Variants in CCDC9 observed in about 807,000 individuals in gnomAD.
CCDC9 encodes coiled-coil domain-containing protein 9.
CCDC9 carries 52 observed loss-of-function variants against 65.6 expected under a neutral mutation model. That is an observed-to-expected ratio of 0.79 (90% CI 0.63 to 1.00). The LOEUF is 1.00. Ranked by LOEUF, CCDC9 falls within the 50% of genes least tolerant of loss-of-function variation. The probability of loss-of-function intolerance (pLI) is 0.00; values close to 1 mark genes in which losing one functional copy is unlikely to be tolerated. For synonymous variants in CCDC9, 332 were observed against 280.3 expected, an observed-to-expected ratio of 1.18 and a Z score of -1.84; for missense variants, 834 against 757.2, an observed-to-expected ratio of 1.10 and a Z score of -1.19.
At chr19:47,274,824 C>T (rs1449446375), downstream of CCDC9, 171 of 813,410 alleles carry the variant, frequency 2.1e-4, 3 homozygotes, top group South Asian at 8.5e-3. Context: ...CGGAGGCGGG[C>T]GGTTTAGAGA....
At chr19:47,274,897 G>A, downstream of CCDC9, 2 of 1,270,964 alleles carry the variant, frequency 1.6e-6, no homozygotes, top group Non-Finnish European at 2.0e-6. Context: ...GGTCTGCGGC[G>A]CGGAGCCGAG....
downstream of CCDC9, among the ~76,000 whole-genome samples, chr19:47,274,227 A>C (rs3745606): frequency 2.0e-5 from 3 of 150,674 alleles, no homozygotes; most frequent in African/African-American, 7.4e-5. Context: ...GCGGGCTGAG[A>C]GTGTGCTGGA....
chr19:47,263,898 A>G lies in CCDC9; in HGVS notation c.463-705A>G, dbSNP rs191438856. On this transcript the variant is annotated intron_variant, in intron 5 of 11. Transcript: ENST00000221922. ...TATTTTTATTTTATTTTATTTTTTGAGACAGAGTCCTACTCTGTTGCCCAG... is the reference window on the plus strand; with the variant it reads ...TATTTTTATTTTATTTTATTTTTTGGGACAGAGTCCTACTCTGTTGCCCAG... 7.9e-4 allele frequency among the ~76,000 whole-genome samples: 108 copies of G among 135,852 alleles called. 1 individual carries two copies. The Middle Eastern group carries it at 0.02, about 25-fold the overall frequency. 89.1% of individuals were successfully genotyped at this position (135,852 alleles called of 152,430 possible).
intron 8 of CCDC9, among the ~76,000 whole-genome samples, chr19:47,269,583 C>A (rs1350745656): frequency 2.0e-5 from 3 of 152,158 alleles, no homozygotes; most frequent in African/African-American, 7.2e-5. Context: ...AGGTGATCCG[C>A]CCACCTGGAC....
chr19:47,270,243 A>G (rs1026378883), intron 8 of CCDC9, among the ~76,000 whole-genome samples, 164 bp from the exon 9 acceptor site: 5 of 152,146 alleles, frequency 3.3e-5, no homozygotes, highest in African/African-American at 1.2e-4. Context: ...TGCGGGGATT[A>G]CAGGCTTGAG....
chr19:47,274,079 C>T (rs1017138408), downstream of CCDC9: 1 of 694,202 alleles, frequency 1.4e-6, no homozygotes, highest in Non-Finnish European at 1.8e-6. Context: ...TTCTTTCTAC[C>T]CCAGAGCCTA....
rs754649721 is a variant in CCDC9 at position 47,271,065 on chromosome 19, C to T, written c.1086-17C>T. The T allele has an allele frequency of 6.6e-7, 1 of 1,523,516 alleles. No homozygotes were observed. The highest frequency in any genetic ancestry group is 1.2e-5 in the South Asian group (1 of 81,694). 94.4% of individuals were successfully genotyped at this position (1,523,516 alleles called of 1,614,324 possible). A position where few individuals can be genotyped will look rare whatever the true frequency, so the allele number is the denominator to read the frequency against. On this transcript the variant is annotated splice_polypyrimidine_tract_variant and intron_variant, in intron 10 of 11. Transcript: ENST00000221922. ...TACTCTCCACCCAGGCATCACCCCT[C>T]CCTCTGTTCCCTCTAGTGACCATGA...
At position 47,268,917 on chromosome 19, in the gene CCDC9, C is replaced by CA. The variant is rs201967697; in HGVS notation, c.903-1484dup. Among the ~76,000 whole-genome samples the CA allele has an allele frequency of 1.1e-3, 147 of 139,578 alleles. 1 individual carries two copies. Among genetic ancestry groups the CA allele is most frequent in the South Asian group, 3.6e-3 (15 of 4,182 alleles). The allele number at this position is 139,578 out of a possible 152,430, so 91.6% of individuals were successfully genotyped here. On this transcript the variant is annotated intron_variant, in intron 8 of 11. Transcript: ENST00000221922. Reference sequence around the variant, plus strand: ...TGGGCGACAGAGAGAGACTCCGTTTCAAAAAATAATAATAATAATAATAAT... The same window carrying CA: ...TGGGCGACAGAGAGAGACTCCGTTTCAAAAAAATAATAATAATAATAATAAT...
chr19:47,271,034 CCTG>C, intron 10 of CCDC9, 45 bp from the exon 11 acceptor site: 2 of 1,386,092 alleles, frequency 1.4e-6, no homozygotes, highest in Non-Finnish European at 2.0e-6. Context: ...GCCCCTTCCT[CCTG>C]TCTACTCTCC....
chr19:47,264,742 C>T, intron 6 of CCDC9, 31 bp from the exon 7 acceptor site: 1 of 1,603,974 alleles, frequency 6.2e-7, no homozygotes, highest in African/African-American at 1.3e-5. Flanking sequence ...TGCGGGGAGC[C>T]CGCGCCAACC....
chr19:47,260,370 C>G lies in CCDC9; in HGVS notation c.158C>G (p.Thr53Arg). The change falls in exon 4 of 12, where the codon ACA (threonine) becomes AGA (arginine). Residue 53 changes from threonine to arginine, a missense_variant. Thr to Arg is a moderately conservative substitution (Grantham distance 71). Coordinates refer to ENST00000221922, the MANE Select transcript of CCDC9 (RefSeq NM_015603.3). ...KKAELEGVAV[T>R]APRKGRSVEK... Reference sequence around the variant, plus strand: ...GCTGAACTTGAGGGAGTCGCAGTCACAGCTCCCCGAAAGGGCCGCTCAGTG... The same window carrying G: ...GCTGAACTTGAGGGAGTCGCAGTCAGAGCTCCCCGAAAGGGCCGCTCAGTG... 6.2e-7 allele frequency: 1 copy of G among 1,604,546 alleles called. No individual in the cohort carries two copies. The highest frequency in any genetic ancestry group is 8.5e-7 in the Non-Finnish European group (1 of 1,175,520).
At position 47,271,700 on chromosome 19, in the gene CCDC9, T is replaced by TGA. The variant is rs2059120055; in HGVS notation, c.*23_*24insAG. 1 of 1,266,600 alleles carries TGA rather than the reference T, an allele frequency of 7.9e-7. No individual in the cohort carries two copies. The highest frequency in any genetic ancestry group is 2.2e-5 in the African/African-American group (1 of 44,998). 78.5% of individuals were successfully genotyped at this position (1,266,600 alleles called of 1,614,324 possible). A position where few individuals can be genotyped will look rare whatever the true frequency, so the allele number is the denominator to read the frequency against. The stretch of plus-strand genomic sequence containing the variant: ...ATGAAGCTGGCTGCCTGTGTGTGTG[T>TGA]GTGTGTGTGTGTGTGTGTGTGTGTG... On this transcript the variant is annotated 3_prime_UTR_variant, in exon 12 of 12. Coordinates refer to ENST00000221922, the MANE Select transcript of CCDC9 (RefSeq NM_015603.3).
chr19:47,267,308 T>C (rs2059088732), intron 8 of CCDC9, among the ~76,000 whole-genome samples: 1 of 152,024 alleles, frequency 6.6e-6, no homozygotes, highest in Non-Finnish European at 1.5e-5. Context: ...AGAGTCTAGC[T>C]CTGTCGCCCA....
At chr19:47,275,454 G>T, downstream of CCDC9, 1 of 1,388,074 alleles carries the variant, frequency 7.2e-7, no homozygotes, top group Non-Finnish European at 9.5e-7. Context: ...TAATGACATC[G>T]CTCAGCGTCT....
At chr19:47,265,146 C>T (rs1038890381) in intron 7 of CCDC9, among the ~76,000 whole-genome samples, 200 bp downstream of exon 7, 5 of 152,160 alleles carry the variant, frequency 3.3e-5, no homozygotes, top group African/African-American at 9.7e-5. Flanking sequence ...CAGCCTTTGC[C>T]TCCTGGGCTC....
At chr19:47,273,640 G>A (rs778658645), downstream of CCDC9, 11 of 393,592 alleles carry the variant, frequency 2.8e-5, no homozygotes, top group Non-Finnish European at 4.9e-5. Flanking sequence ...ACCAACGGGG[G>A]ACGTCACGGC....
At chr19:47,270,780 G>C (rs977196829) in intron 10 of CCDC9, 92 bp downstream of exon 10, 86 of 1,352,854 alleles carry the variant, frequency 6.4e-5, no homozygotes, top group Non-Finnish European at 8.4e-5. Context: ...GGGTACATCT[G>C]TCTGTCCCTG....
At chr19:47,257,405 A>T (rs1293572803) in intron 1 of CCDC9, 1 of 137,472 alleles carries the variant, frequency 7.3e-6, no homozygotes, top group African/African-American at 2.8e-5. Context: ...GCGGGGCCAC[A>T]TTAATGGCCC....
downstream of CCDC9, among the ~76,000 whole-genome samples, chr19:47,272,885 C>CA (rs1193752980): frequency 6.6e-6 from 1 of 152,170 alleles, no homozygotes; most frequent in Non-Finnish European, 1.5e-5. Context: ...TTTCGAATCT[C>CA]AGATGGCCTC....
Sources: allele counts gnomAD v4.1 joint callset (sites outside exome capture counted in the v4.1 genomes callset), GRCh38; gene constraint gnomAD v4.1.1; transcripts MANE v1.5; gene names NCBI Gene and HGNC (gene_info 2026-07-23, HGNC 2026-07-21).